The following KMT5B variants were observed in gnomAD, a reference collection of about 807,000 sequenced individuals.
KMT5B encodes lysine methyltransferase 5B.
In KMT5B, 10 loss-of-function variants were observed where a neutral mutation model predicts 83.2. That is an observed-to-expected ratio of 0.12 (90% CI 0.07 to 0.20). The LOEUF (loss-of-function observed/expected upper bound fraction) is 0.20. Ranked by LOEUF, KMT5B falls within the 10% of genes least tolerant of loss-of-function variation. KMT5B has a pLI of 1.00. For synonymous variants in KMT5B, 349 were observed against 388.8 expected (o/e 0.90, Z 1.20); for missense variants, 753 against 1,067.2 (o/e 0.71, Z 4.10).
chr11:68,198,592 T>A (rs1323180570), intron 1 of KMT5B, among the ~76,000 whole-genome samples: 4 of 152,220 alleles, frequency 2.6e-5, no homozygotes, highest in Non-Finnish European at 4.4e-5. Flanking sequence ...GGGACATAGC[T>A]GGCTCACGTG....
chr11:68,179,179 A>G (rs1334468179), intron 4 of KMT5B, among the ~76,000 whole-genome samples: 2 of 135,880 alleles, frequency 1.5e-5, no homozygotes, highest in African/African-American at 2.7e-5. Flanking sequence ...TATACTGACA[A>G]TACAGTGGAA....
rs1859205940 is a variant in KMT5B, at chr11:68,155,216, G to A, written c.*2472C>T. On this transcript the variant is annotated 3_prime_UTR_variant, in exon 11 of 11. Coordinates refer to ENST00000304363, the MANE Select transcript of KMT5B (RefSeq NM_017635.5). ...CTTCTAAACTGGTCAACGGTGTGTG[G>A]CTGTCACCATTCCACACGGTGAAGT... is the stretch of plus-strand genomic sequence containing the variant. The A allele has an allele frequency of 1.3e-5, 2 of 152,186 alleles. No individual in the cohort carries two copies. Among genetic ancestry groups the A allele is most frequent in the African/African-American group, 2.4e-5 (1 of 41,440 alleles). The allele number at this position is 152,186 out of a possible 1,614,324, so 9.4% of individuals were successfully genotyped here. A position where few individuals can be genotyped will look rare whatever the true frequency, so the allele number is the denominator to read the frequency against.
At chr11:68,213,432 G>GCGCCCCCGGCGCC (rs1354859985), upstream of KMT5B, 3 of 135,700 alleles carry the variant, frequency 2.2e-5, no homozygotes, top group African/African-American at 2.7e-5. Flanking sequence ...TCGGCTCGCT[G>GCGCCCCCGGCGCC]CGCCCCCGGC....
chr11:68,198,204 T>C (rs1858950823), intron 1 of KMT5B, among the ~76,000 whole-genome samples: 1 of 151,992 alleles, frequency 6.6e-6, no homozygotes, highest in Non-Finnish European at 1.5e-5. Flanking sequence ...GACAACAAGG[T>C]GAAACCCCAT....
chr11:68,159,394 G>T (rs377352380), intron 10 of KMT5B, among the ~76,000 whole-genome samples: 3 of 152,156 alleles, frequency 2.0e-5, no homozygotes, highest in African/African-American at 7.2e-5. Flanking sequence ...GAGGTAAGTA[G>T]TTGCACGGTT....
rs79704435 is a variant in KMT5B at position 68,163,225 on chromosome 11, C to T, written c.1174+3757G>A. 6.3e-3 allele frequency among the ~76,000 whole-genome samples: 957 copies of T among 152,296 alleles called. 13 individuals carry two copies. The highest frequency in any genetic ancestry group is 0.021 in the African/African-American group (887 of 41,552). On this transcript the variant is annotated intron_variant, in intron 10 of 10. Coordinates refer to ENST00000304363, the MANE Select transcript of KMT5B (RefSeq NM_017635.5). Reference sequence around the variant, plus strand: ...TACACATTCTTCTCAGCAATTACTACATGCTAGGTGCTGTGCAAAATGGCC... The same window carrying T: ...TACACATTCTTCTCAGCAATTACTATATGCTAGGTGCTGTGCAAAATGGCC...
At chr11:68,207,421 G>A (rs1860269485) in intron 1 of KMT5B, among the ~76,000 whole-genome samples, 1 of 151,974 alleles carries the variant, frequency 6.6e-6, no homozygotes, top group Admixed American at 6.5e-5. Flanking sequence ...TTACAAATGA[G>A]AACAAAACTC....
chr11:68,186,573 G>A (rs2153068687), intron 2 of KMT5B, among the ~76,000 whole-genome samples: 1 of 152,234 alleles, frequency 6.6e-6, no homozygotes, highest in South Asian at 2.1e-4. Context: ...ATGAACGAAT[G>A]GATAAAAATA....
intron 1 of KMT5B, among the ~76,000 whole-genome samples, chr11:68,200,759 C>T (rs1319248869): frequency 6.6e-6 from 1 of 152,160 alleles, no homozygotes; most frequent in Non-Finnish European, 1.5e-5. Flanking sequence ...AGTAGGAAAA[C>T]GAAGTGGAAT....
In KMT5B at chr11:68,157,662, T is replaced by C. The variant is rs200789045; in HGVS notation, c.*26A>G. On this transcript the variant is annotated 3_prime_UTR_variant, in exon 11 of 11. Coordinates refer to ENST00000304363, the MANE Select transcript of KMT5B (RefSeq NM_017635.5). ...ATTTTTTATTTCTTTAAAGTAGTTATCCCAGGTCAAGTTAAGACCAAGAGC... is the reference window on the plus strand; with the variant it reads ...ATTTTTTATTTCTTTAAAGTAGTTACCCCAGGTCAAGTTAAGACCAAGAGC... The C allele has an allele frequency of 3.3e-6, 5 of 1,513,274 alleles. No individual in the cohort carries two copies. Among genetic ancestry groups the C allele is most frequent in the Non-Finnish European group, 3.5e-6 (4 of 1,134,252 alleles). The allele number at this position is 1,513,274 out of a possible 1,614,324, so 93.7% of individuals were successfully genotyped here.
rs748348152 is a variant in KMT5B, at chr11:68,158,412, A to C, written c.1934T>G (p.Leu645Trp). ...SPGKDDAVPD[L>W]MGPHSDQGEH... ...ACCCTGGTCAGAATGGGGACCCATC[A>C]AATCTGGTACCGCGTCGTCTTTTCC... Residue 645 changes from leucine (L) to tryptophan (W), a missense_variant, in exon 11 of 11, where the codon TTG (leucine) becomes TGG (tryptophan). Physicochemically the swap from Leu to Trp is moderately conservative, Grantham distance 61. Transcript: ENST00000304363. The C allele has an allele frequency of 3.2e-5, 52 of 1,614,038 alleles. No individual in the cohort carries two copies. The highest frequency in any genetic ancestry group is 5.0e-5 in the Admixed American group (3 of 59,994).
At chr11:68,213,535 C>A (rs1027321058), upstream of KMT5B, 1 of 151,830 alleles carries the variant, frequency 6.6e-6, no homozygotes, top group Non-Finnish European at 1.5e-5. Flanking sequence ...GACTCCGCGT[C>A]CCAGGTCCGT....
chr11:68,202,775 T>C (rs947656181), intron 1 of KMT5B, among the ~76,000 whole-genome samples: 2 of 151,916 alleles, frequency 1.3e-5, no homozygotes, highest in Admixed American at 6.6e-5. Flanking sequence ...TCTTGAACTC[T>C]TGACCTCGTG....
intron 4 of KMT5B, among the ~76,000 whole-genome samples, 179 bp from the exon 5 acceptor site, chr11:68,175,362 A>G (rs1269160300): frequency 6.6e-6 from 1 of 152,226 alleles, no homozygotes; most frequent in Non-Finnish European, 1.5e-5. Flanking sequence ...AGTAATACTG[A>G]TCACCTGGAT....
intron 4 of KMT5B, chr11:68,176,608 A>AC (rs1334365081): frequency 6.6e-6 from 1 of 152,026 alleles, no homozygotes; most frequent in Non-Finnish European, 1.5e-5. Flanking sequence ...ACCTGGTGAA[A>AC]CCCCGTCTCT....
intron 10 of KMT5B, chr11:68,165,796 A>C: frequency 6.4e-7 from 1 of 1,574,334 alleles, no homozygotes. Flanking sequence ...CACTCTGGAC[A>C]TTAACGAAAA....
chr11:68,196,303 G>A (rs1858702206), intron 1 of KMT5B, among the ~76,000 whole-genome samples: 1 of 151,770 alleles, frequency 6.6e-6, no homozygotes, highest in African/African-American at 2.4e-5. Context: ...ACATCCTCTA[G>A]GAAGTGTTCC....
At chr11:68,165,821 C>A (rs1855266596) in intron 10 of KMT5B, 1 of 1,607,932 alleles carries the variant, frequency 6.2e-7, no homozygotes, top group Non-Finnish European at 8.5e-7. Flanking sequence ...TGGAATAGGG[C>A]TACAGCGCTG....
intron 10 of KMT5B, among the ~76,000 whole-genome samples, chr11:68,161,098 C>CT (rs899019543): frequency 2.6e-5 from 4 of 151,038 alleles, no homozygotes; most frequent in Admixed American, 6.6e-5. Context: ...GGTGGCGCCT[C>CT]TTTTTAGAAT....
Sources: allele counts gnomAD v4.1 joint callset (sites outside exome capture counted in the v4.1 genomes callset), GRCh38; gene constraint gnomAD v4.1.1; transcripts MANE v1.5; gene names NCBI Gene and HGNC (gene_info 2026-07-23, HGNC 2026-07-21).